STAP1: variants seen among roughly 807,000 people sequenced by gnomAD.
STAP1 encodes signal transducing adaptor family member 1.
In STAP1, 30 loss-of-function variants were observed where a neutral mutation model predicts 37.8. That is an observed-to-expected ratio of 0.79 (90% confidence interval 0.59 to 1.08). The LOEUF (loss-of-function observed/expected upper bound fraction) is 1.08. STAP1 is among the 50% of genes least tolerant of loss of function. STAP1 has a pLI of 0.00. For missense variants in STAP1, 357 were observed against 349.4 expected (o/e 1.02, Z -0.17); for synonymous variants, 130 against 116.0 (o/e 1.12, Z -0.78).
intron 5 of STAP1, among the ~76,000 whole-genome samples, chr4:67,583,275 T>C (rs1727905477): frequency 6.6e-6 from 1 of 152,194 alleles, no homozygotes; most frequent in African/African-American, 2.4e-5. Context: ...TGGGGATACA[T>C]TGTTAATTCT....
intron 8 of STAP1, among the ~76,000 whole-genome samples, chr4:67,596,380 T>C (rs561514587): frequency 1.8e-4 from 27 of 152,328 alleles, no homozygotes; most frequent in Non-Finnish European, 3.7e-4. Flanking sequence ...TAGTCTCAGG[T>C]AGTATCTTTA....
chr4:67,584,693 G>A (rs575282449), intron 6 of STAP1, among the ~76,000 whole-genome samples: 1 of 147,702 alleles, frequency 6.8e-6, no homozygotes, highest in East Asian at 2.0e-4. Flanking sequence ...TGAGATAGAA[G>A]AATGCTTGAC....
chr4:67,600,583 GT>G (rs1359811520), intron 8 of STAP1, among the ~76,000 whole-genome samples: 1 of 151,998 alleles, frequency 6.6e-6, no homozygotes, highest in Non-Finnish European at 1.5e-5. Flanking sequence ...AAAATGGGGT[GT>G]TGATGTTTCT....
chr4:67,601,089 T>C (rs1728332378), intron 8 of STAP1, among the ~76,000 whole-genome samples: 1 of 152,206 alleles, frequency 6.6e-6, no homozygotes, highest in Non-Finnish European at 1.5e-5. Context: ...TGATTTTCTC[T>C]GGTGGTATCT....
In STAP1 at chr4:67,558,754, G is replaced by A; in HGVS notation, c.-56G>A. 6.3e-7 allele frequency: 1 copy of A among 1,575,302 alleles called. No individual in the cohort carries two copies. On this transcript the variant is annotated 5_prime_UTR_variant, in exon 1 of 9. Transcript: ENST00000265404. ...ACAGTTGCCTTTTCCTCTCACAGAA[G>A]GAAGATTTCATTTTGTTTGAGACGA...
At chr4:67,580,410 A>G (rs1372698843) in intron 4 of STAP1, among the ~76,000 whole-genome samples, 16 of 152,196 alleles carry the variant, frequency 1.1e-4, no homozygotes, top group Admixed American at 1.0e-3. Context: ...TTGTACGCAT[A>G]TTAAAACATA....
chr4:67,564,768 C>T (rs1052809489), intron 1 of STAP1, among the ~76,000 whole-genome samples: 2 of 152,058 alleles, frequency 1.3e-5, no homozygotes, highest in Admixed American at 6.6e-5. Context: ...CAAAAATTAG[C>T]CAGGCATGGT....
intron 5 of STAP1, 34 bp downstream of exon 5, chr4:67,581,505 G>A (rs769199965): frequency 1.1e-5 from 17 of 1,568,426 alleles, no homozygotes; most frequent in East Asian, 6.8e-5. Context: ...TTATTCATTC[G>A]ATTGTTAAAA....
At chr4:67,588,554 T>C (rs995381466) in intron 6 of STAP1, among the ~76,000 whole-genome samples, 6 of 151,814 alleles carry the variant, frequency 4.0e-5, no homozygotes, top group Non-Finnish European at 7.4e-5. Context: ...GGACTACAGG[T>C]GCCCACCACC....
At chr4:67,595,737 G>T (rs896588291) in intron 8 of STAP1, among the ~76,000 whole-genome samples, 5 of 151,934 alleles carry the variant, frequency 3.3e-5, no homozygotes, top group Non-Finnish European at 7.4e-5. Flanking sequence ...TTTCAAAATC[G>T]TTTGGACTAG....
chr4:67,584,429 ATAGACT>A (rs1421098849), intron 6 of STAP1, among the ~76,000 whole-genome samples: 1 of 152,226 alleles, frequency 6.6e-6, no homozygotes, highest in African/African-American at 2.4e-5. Flanking sequence ...GTAGGGAGAC[ATAGACT>A]TAAACACATA....
chr4:67,571,228 G>T, intron 2 of STAP1, 73 bp downstream of exon 2: 3 of 1,060,180 alleles, frequency 2.8e-6, no homozygotes, highest in Admixed American at 2.3e-5. Context: ...ATTCATTTTG[G>T]ATTTTCTGCC....
chr4:67,595,505 T>A (rs924982631), intron 8 of STAP1, among the ~76,000 whole-genome samples: 6 of 152,074 alleles, frequency 3.9e-5, no homozygotes, highest in South Asian at 2.1e-4. Context: ...ATGCACAATG[T>A]GAAAGGGCAA....
At position 67,593,275 on chromosome 4, in the gene STAP1, C is replaced by A. The variant is rs890672882; in HGVS notation, c.745C>A (p.Leu249Ile). The A allele has an allele frequency of 8.1e-6, 13 of 1,612,834 alleles. No homozygotes were observed. The highest frequency in any genetic ancestry group is 1.1e-5 in the Non-Finnish European group (13 of 1,179,426). ...ATTAATACAGGTAACACTCCCAAAC[C>A]TTTTCAGTGTCATTGATTATTTTGT... Reference protein sequence around the residue: ...ELEKPVTLPNLFSVIDYFVKE... With the variant: ...ELEKPVTLPNIFSVIDYFVKE... The change falls in exon 8 of 9, where the codon CTT becomes ATT. Residue 249 changes from leucine to isoleucine, a missense_variant. Coordinates refer to ENST00000265404, the MANE Select transcript of STAP1 (RefSeq NM_012108.4).
rs1728120793 is a variant in STAP1, at chr4:67,591,612, A to T, written c.729+659A>T. On this transcript the variant is annotated intron_variant, in intron 7 of 8. Coordinates refer to ENST00000265404, the MANE Select transcript of STAP1 (RefSeq NM_012108.4). Reference sequence around the variant, plus strand: ...TGTGATTTTAGGCTGCAGTAGTGGGAAGATTGAGTCAGGAAAGTTGTCTCT... The same window carrying T: ...TGTGATTTTAGGCTGCAGTAGTGGGTAGATTGAGTCAGGAAAGTTGTCTCT... Among the ~76,000 whole-genome samples, 3 of 152,180 alleles carry T rather than the reference A, an allele frequency of 2.0e-5. 1 individual carries two copies. The South Asian group carries it at 6.2e-4, about 31-fold the overall frequency.
chr4:67,576,807 A>G (rs904209066), intron 3 of STAP1, among the ~76,000 whole-genome samples: 7 of 152,214 alleles, frequency 4.6e-5, no homozygotes, highest in African/African-American at 1.7e-4. Context: ...TATTGTTATT[A>G]TTAGTAATAA....
chr4:67,561,714 T>C (rs938319849), intron 1 of STAP1, among the ~76,000 whole-genome samples: 21 of 152,288 alleles, frequency 1.4e-4, no homozygotes, highest in African/African-American at 4.8e-4. Flanking sequence ...TGGAATACCA[T>C]TGGCATCGCA....
intron 1 of STAP1, among the ~76,000 whole-genome samples, chr4:67,559,874 C>A (rs1178374076): frequency 1.3e-5 from 2 of 152,138 alleles, no homozygotes; most frequent in Non-Finnish European, 2.9e-5. Context: ...ACATTTCTTA[C>A]ATATATAATC....
intron 1 of STAP1, among the ~76,000 whole-genome samples, chr4:67,568,098 G>T (rs1323697535): frequency 1.3e-5 from 2 of 152,160 alleles, no homozygotes; most frequent in Non-Finnish European, 2.9e-5. Flanking sequence ...TGAGCTTCCT[G>T]GTAGCCAGGG....
Sources: allele counts gnomAD v4.1 joint callset (sites outside exome capture counted in the v4.1 genomes callset), GRCh38; gene constraint gnomAD v4.1.1; transcripts MANE v1.5; gene names NCBI Gene and HGNC (gene_info 2026-07-23, HGNC 2026-07-21).